ANO3: variants seen among roughly 807,000 people sequenced by gnomAD.
The protein encoded by ANO3 is anoctamin 3.
Under a neutral mutation model 144.8 loss-of-function variants are expected in ANO3, and 99 were observed. That is an observed-to-expected ratio of 0.68 (90% confidence interval 0.58 to 0.81). The LOEUF is 0.81. ANO3 is among the 30% of genes least tolerant of loss of function. The probability of loss-of-function intolerance (pLI) is 0.00; values close to 1 mark genes in which losing one functional copy is unlikely to be tolerated. For synonymous variants in ANO3, 414 were observed against 392.6 expected, an observed-to-expected ratio of 1.05 and a Z score of -0.64; for missense variants, 905 against 1,202.2, an observed-to-expected ratio of 0.75 and a Z score of 3.66.
chr11:26,191,298 A>G (rs1228966643), intron 1 of ANO3, among the ~76,000 whole-genome samples: 1 of 151,436 alleles, frequency 6.6e-6, no homozygotes, highest in Admixed American at 6.6e-5. Context: ...AAAAACACAT[A>G]TATATATACA....
chr11:26,610,219 A>G (rs535768041), intron 17 of ANO3, among the ~76,000 whole-genome samples: 26 of 150,132 alleles, frequency 1.7e-4, no homozygotes, highest in South Asian at 1.5e-3. Context: ...CCTACTTTGT[A>G]TTTTTGATTC....
intron 14 of ANO3, among the ~76,000 whole-genome samples, chr11:26,571,346 T>G (rs1425405870): frequency 6.6e-6 from 1 of 152,134 alleles, no homozygotes; most frequent in Non-Finnish European, 1.5e-5. Flanking sequence ...GAGGCTTATA[T>G]AGCCACAAAA....
At chr11:26,335,046 G>A (rs1293934733) in intron 1 of ANO3, among the ~76,000 whole-genome samples, 1 of 152,144 alleles carries the variant, frequency 6.6e-6, no homozygotes, top group African/African-American at 2.4e-5. Context: ...GTATAGTATA[G>A]ATAAGTATAG....
chr11:26,491,850 T>G (rs1860722984), intron 4 of ANO3, among the ~76,000 whole-genome samples: 1 of 152,120 alleles, frequency 6.6e-6, no homozygotes, highest in Non-Finnish European at 1.5e-5. Flanking sequence ...TTTTTGAAGT[T>G]TTCTGAAAAA....
intron 1 of ANO3, among the ~76,000 whole-genome samples, chr11:26,381,490 C>T (rs1856588951): frequency 6.6e-6 from 1 of 152,152 alleles, no homozygotes; most frequent in Admixed American, 6.5e-5. Flanking sequence ...TATATCCCAT[C>T]CCATTATCAA....
At chr11:26,253,103 C>T (rs1852971836) in intron 1 of ANO3, among the ~76,000 whole-genome samples, 1 of 152,134 alleles carries the variant, frequency 6.6e-6, no homozygotes, top group South Asian at 2.1e-4. Flanking sequence ...GAAGGCAAGC[C>T]CTTTCATACT....
intron 1 of ANO3, among the ~76,000 whole-genome samples, chr11:26,420,906 G>C (rs1264821060): frequency 6.6e-6 from 1 of 151,986 alleles, no homozygotes; most frequent in Non-Finnish European, 1.5e-5. Flanking sequence ...ATGAAAATAA[G>C]TGAAAAACAA....
At chr11:26,557,946 C>T (rs293966) in intron 13 of ANO3, among the ~76,000 whole-genome samples, 133,999 of 152,202 alleles carry the variant, frequency 0.88, 59,528 homozygotes, top group East Asian at 0.96. Context: ...TAAACACTGT[C>T]GTACTCTTCC....
At chr11:26,210,644 C>T (rs1360574549) in intron 1 of ANO3, among the ~76,000 whole-genome samples, 1 of 152,088 alleles carries the variant, frequency 6.6e-6, no homozygotes, top group Non-Finnish European at 1.5e-5. Flanking sequence ...TTGTTTGTGT[C>T]CTCTCTTATT....
chr11:26,414,619 T>G (rs1857522955), intron 1 of ANO3, among the ~76,000 whole-genome samples: 1 of 151,756 alleles, frequency 6.6e-6, no homozygotes, highest in Non-Finnish European at 1.5e-5. Context: ...AGGGATAGCA[T>G]TAGGACAAAT....
chr11:26,248,709 G>A (rs11029425), intron 1 of ANO3, among the ~76,000 whole-genome samples: 2,157 of 152,212 alleles, frequency 0.014, 38 homozygotes, highest in African/African-American at 0.049. Context: ...TTGTTCTGTG[G>A]AATATACTGT....
intron 11 of ANO3, among the ~76,000 whole-genome samples, chr11:26,543,773 A>G (rs1201707503): frequency 6.6e-6 from 1 of 152,080 alleles, no homozygotes; most frequent in Non-Finnish European, 1.5e-5. Context: ...CCATGTCACT[A>G]CAAAGGACAT....
chr11:26,561,566 C>T (rs1003671875), intron 14 of ANO3, among the ~76,000 whole-genome samples: 1 of 151,234 alleles, frequency 6.6e-6, no homozygotes, highest in African/African-American at 2.4e-5. Flanking sequence ...GCCTTGTCAA[C>T]ATGTTCAGAA....
chr11:26,526,665 C>A (rs1849171191), intron 7 of ANO3, among the ~76,000 whole-genome samples: 1 of 152,022 alleles, frequency 6.6e-6, no homozygotes, highest in Admixed American at 6.6e-5. Context: ...TTAGGCGTGG[C>A]AGTATTGAGT....
intron 1 of ANO3, among the ~76,000 whole-genome samples, chr11:26,349,155 G>C (rs561110553): frequency 6.6e-6 from 1 of 152,200 alleles, no homozygotes; most frequent in Admixed American, 6.5e-5. Context: ...GTAATTGATC[G>C]CAACTCAGTT....
intron 18 of ANO3, 47 bp from the exon 19 acceptor site, chr11:26,634,157 T>C (rs373997270): frequency 8.7e-7 from 1 of 1,154,770 alleles, no homozygotes; most frequent in Non-Finnish European, 1.3e-6. Context: ...AGAGTCTTGA[T>C]ATTCACCTCA....
chr11:26,599,278 G>C (rs557778585), intron 16 of ANO3, among the ~76,000 whole-genome samples: 1 of 152,260 alleles, frequency 6.6e-6, no homozygotes, highest in South Asian at 2.1e-4. Context: ...TAGACATCTT[G>C]TGTTAAAAAT....
chr11:26,205,878 A>G (rs1037317411), intron 1 of ANO3, among the ~76,000 whole-genome samples: 2 of 152,234 alleles, frequency 1.3e-5, no homozygotes. Flanking sequence ...AAGAAAATAC[A>G]AAAGCCTTTT....
chr11:26,368,536 T>C (rs1442762930), intron 1 of ANO3, among the ~76,000 whole-genome samples: 1 of 151,510 alleles, frequency 6.6e-6, no homozygotes, highest in Non-Finnish European at 1.5e-5. Context: ...GCCATATGTG[T>C]AAGGAAAGGA....
Sources: allele counts gnomAD v4.1 joint callset (sites outside exome capture counted in the v4.1 genomes callset), GRCh38; gene constraint gnomAD v4.1.1; transcripts MANE v1.5; gene names NCBI Gene and HGNC (gene_info 2026-07-23, HGNC 2026-07-21).